Variants in NR2F1-AS1 observed in about 807,000 individuals in gnomAD.
NR2F1-AS1 encodes the protein NR2F1 antisense RNA 1.
intron 4 of NR2F1-AS1, among the ~76,000 whole-genome samples, chr5:93,455,839 A>ACATG (rs1229927183): frequency 2.8e-5 from 4 of 144,688 alleles, no homozygotes; most frequent in African/African-American, 1.1e-4. Flanking sequence ...AACTACACAC[A>ACATG]CACGCACACA....
At chr5:93,413,056 G>A (rs1329785966) in intron 4 of NR2F1-AS1, among the ~76,000 whole-genome samples, 1 of 137,240 alleles carries the variant, frequency 7.3e-6, no homozygotes, top group Non-Finnish European at 1.5e-5. Flanking sequence ...ACAAATTATA[G>A]CACTATGGTG....
intron 2 of NR2F1-AS1, among the ~76,000 whole-genome samples, chr5:93,559,637 T>C (rs989029177): frequency 1.3e-5 from 2 of 152,194 alleles, no homozygotes; most frequent in African/African-American, 2.4e-5. Context: ...ACTTGAACAC[T>C]TGAAGCCCAT....
At chr5:93,456,728 C>T (rs545488701) in intron 4 of NR2F1-AS1, among the ~76,000 whole-genome samples, 6 of 151,686 alleles carry the variant, frequency 4.0e-5, no homozygotes, top group Non-Finnish European at 5.9e-5. Context: ...GGAGGACCCA[C>T]GCCGGCACCG....
At chr5:93,497,096 T>A (rs186319304) in intron 4 of NR2F1-AS1, among the ~76,000 whole-genome samples, 3 of 152,276 alleles carry the variant, frequency 2.0e-5, no homozygotes, top group Non-Finnish European at 2.9e-5. Flanking sequence ...AAAGGCCTTT[T>A]TTTTTTCAGT....
At chr5:93,569,956 AAC>A (rs1477370195) in intron 1 of NR2F1-AS1, 1 of 152,158 alleles carries the variant, frequency 6.6e-6, no homozygotes, top group Non-Finnish European at 1.5e-5. Context: ...CAGTCCTCCC[AAC>A]AGATTGGCTG....
At chr5:93,474,922 G>A (rs904584370) in intron 4 of NR2F1-AS1, among the ~76,000 whole-genome samples, 11 of 152,080 alleles carry the variant, frequency 7.2e-5, no homozygotes, top group African/African-American at 2.2e-4. Context: ...TCAGGAGATC[G>A]AGACCATCCT....
At chr5:93,490,043 T>TCCAC (rs1274337084) in intron 4 of NR2F1-AS1, among the ~76,000 whole-genome samples, 1 of 152,190 alleles carries the variant, frequency 6.6e-6, no homozygotes, top group African/African-American at 2.4e-5. Context: ...AACTGGCCCT[T>TCCAC]CCACCACTCC....
At chr5:93,508,218 T>C (rs1219297264) in intron 4 of NR2F1-AS1, among the ~76,000 whole-genome samples, 1 of 152,150 alleles carries the variant, frequency 6.6e-6, no homozygotes, top group Non-Finnish European at 1.5e-5. Context: ...CATCCTATTA[T>C]AAAGCTATGA....
intron 4 of NR2F1-AS1, among the ~76,000 whole-genome samples, chr5:93,493,407 G>A (rs140633485): frequency 6.6e-6 from 1 of 151,840 alleles, no homozygotes; most frequent in African/African-American, 2.4e-5. Context: ...AACTTTAAAA[G>A]ACCTAAATAA....
At chr5:93,478,343 T>C (rs1017888148) in intron 4 of NR2F1-AS1, among the ~76,000 whole-genome samples, 1 of 152,230 alleles carries the variant, frequency 6.6e-6, no homozygotes, top group Non-Finnish European at 1.5e-5. Context: ...ACATCCACTG[T>C]ATCAATGCTG....
chr5:93,546,706 T>C (rs554950300), intron 4 of NR2F1-AS1, among the ~76,000 whole-genome samples: 22 of 152,312 alleles, frequency 1.4e-4, no homozygotes, highest in African/African-American at 5.3e-4. Flanking sequence ...TATTCTTTGA[T>C]GATAGTTTGA....
rs1749986296 is a variant in NR2F1-AS1, at chr5:93,457,861, T to C, written n.639-62319A>G. On this transcript the variant is annotated intron_variant and non_coding_transcript_variant, in intron 4 of 5. Coordinates refer to ENST00000660523, the Ensembl canonical transcript of NR2F1-AS1. Reference sequence around the variant, plus strand: ...TGACATCACCATTCTATTCATCTTGTGAGTCGATGGTGCTCAACTGCGGTG... The same window carrying C: ...TGACATCACCATTCTATTCATCTTGCGAGTCGATGGTGCTCAACTGCGGTG... 4.6e-5 allele frequency among the ~76,000 whole-genome samples: 7 copies of C among 152,182 alleles called. No homozygotes were observed. In the South Asian group the frequency reaches 1.4e-3, roughly 32 times the overall value.
At chr5:93,513,902 T>C (rs1751350433) in intron 4 of NR2F1-AS1, among the ~76,000 whole-genome samples, 1 of 152,140 alleles carries the variant, frequency 6.6e-6, no homozygotes, top group South Asian at 2.1e-4. Flanking sequence ...GTACTATTTT[T>C]AGCACATGGG....
At chr5:93,570,058 A>C (rs1752715098) in intron 1 of NR2F1-AS1, 1 of 152,158 alleles carries the variant, frequency 6.6e-6, no homozygotes, top group African/African-American at 2.4e-5. Flanking sequence ...AACTCTCTAA[A>C]CTGAGAGATT....
chr5:93,541,035 TC>T lies in NR2F1-AS1; in HGVS notation n.638+12725del, dbSNP rs1300732512. On this transcript the variant is annotated intron_variant and non_coding_transcript_variant, in intron 4 of 5. Transcript: ENST00000660523. ...TTTTTCTTTTCTCCTGCCTCAGGTT[TC>T]CCTAACCACCTCTAAGTGTCACCTT... 5.9e-5 allele frequency among the ~76,000 whole-genome samples: 9 copies of T among 152,314 alleles called. No homozygotes were observed. The East Asian group carries it at 1.7e-3, about 29-fold the overall frequency.
intron 2 of NR2F1-AS1, among the ~76,000 whole-genome samples, chr5:93,558,076 A>C (rs1321612195): frequency 6.6e-6 from 1 of 152,032 alleles, no homozygotes; most frequent in African/African-American, 2.4e-5. Flanking sequence ...CCCTATTTCT[A>C]CCACATCTGC....
intron 4 of NR2F1-AS1, among the ~76,000 whole-genome samples, chr5:93,549,924 T>C (rs1482905445): frequency 1.3e-5 from 2 of 151,404 alleles, no homozygotes; most frequent in African/African-American, 4.9e-5. Flanking sequence ...TGAGAACACA[T>C]GGACACAGGG....
intron 4 of NR2F1-AS1, among the ~76,000 whole-genome samples, chr5:93,460,126 G>T (rs1750056943): frequency 1.3e-5 from 2 of 152,042 alleles, no homozygotes; most frequent in South Asian, 4.2e-4. Context: ...TCACCCTCCA[G>T]ACTTGATGAA....
At chr5:93,519,084 G>A (rs1202291915) in intron 4 of NR2F1-AS1, among the ~76,000 whole-genome samples, 1 of 152,074 alleles carries the variant, frequency 6.6e-6, no homozygotes, top group African/African-American at 2.4e-5. Flanking sequence ...TTAAGGCAAT[G>A]TCATGTTGAA....
Sources: gnomAD v4.1 joint callset for allele counts (sites outside exome capture counted in the v4.1 genomes callset) on GRCh38, gnomAD v4.1.1 for gene constraint, MANE v1.5 for transcripts, NCBI Gene and HGNC (gene_info 2026-07-23, HGNC 2026-07-21) for gene names.